EPB41L3: variants seen among roughly 807,000 people sequenced by gnomAD.
The protein encoded by EPB41L3 is band 4.1-like protein 3.
In EPB41L3, 57 loss-of-function variants were observed where a neutral mutation model predicts 127.1. That is an observed-to-expected ratio of 0.45 (90% CI 0.36 to 0.56). The LOEUF (loss-of-function observed/expected upper bound fraction) is 0.56, where lower values mean the gene tolerates loss of function less well. Among genes scored for constraint, EPB41L3 ranks in the 20% least tolerant of loss-of-function variants. EPB41L3 has a pLI of 0.00. For synonymous variants in EPB41L3, 572 were observed against 549.5 expected, an observed-to-expected ratio of 1.04 and a Z score of -0.57; for missense variants, 1,273 against 1,372.2, an observed-to-expected ratio of 0.93 and a Z score of 1.14.
chr18:5,594,888 T>A (rs1048380040), intron 3 of EPB41L3, among the ~76,000 whole-genome samples: 1 of 152,152 alleles, frequency 6.6e-6, no homozygotes, highest in Non-Finnish European at 1.5e-5. Flanking sequence ...ATAGGAAACA[T>A]ACGGAAAATA....
In EPB41L3 at chr18:5,485,174, G is replaced by C. The variant is rs144320281; in HGVS notation, c.183+3827C>G. ...CCATGATTAAATGTGATTCATCCTA[G>C]GGATGCAGATGGTTAAACATACAAA... is the stretch of plus-strand genomic sequence containing the variant. On this transcript the variant is annotated intron_variant, in intron 2 of 22. Transcript: ENST00000341928. Among the ~76,000 whole-genome samples the C allele has an allele frequency of 2.6e-3, 395 of 152,030 alleles. 4 individuals are homozygous for C. The highest frequency in any genetic ancestry group is 9.3e-3 in the African/African-American group (384 of 41,506).
chr18:5,395,383 A>T (rs2073207698), intron 20 of EPB41L3, among the ~76,000 whole-genome samples: 1 of 152,204 alleles, frequency 6.6e-6, no homozygotes, highest in Non-Finnish European at 1.5e-5. Flanking sequence ...TGGAGTAAGC[A>T]TTAAGCTTAG....
chr18:5,617,588 G>T (rs1031601109), intron 1 of EPB41L3, among the ~76,000 whole-genome samples: 1 of 152,180 alleles, frequency 6.6e-6, no homozygotes, highest in Non-Finnish European at 1.5e-5. Context: ...AAAGTGCTGG[G>T]ATTACAGGCG....
At chr18:5,604,005 C>CCA (rs377084786) in intron 3 of EPB41L3, among the ~76,000 whole-genome samples, 12 of 142,092 alleles carry the variant, frequency 8.4e-5, no homozygotes, top group African/African-American at 2.1e-4. Context: ...CCAGAAGTGT[C>CCA]CACACACACA....
chr18:5,410,576 G>A lies in EPB41L3; in HGVS notation c.2111C>T (p.Thr704Ile), dbSNP rs763738775. 1 of 1,613,548 alleles carries A rather than the reference G, an allele frequency of 6.2e-7. No homozygotes were observed. The highest frequency in any genetic ancestry group is 8.5e-7 in the Non-Finnish European group (1 of 1,179,584). The change falls in exon 14 of 23, where the codon ACT becomes ATT. Residue 704 changes from threonine (T) to isoleucine (I), a missense_variant. Transcript: ENST00000341928. ...AGCCAAAATACCAACCTCAGTGGCA[G>A]TGGTCTCCCCGTCGGCTGCGGTGTC... ...RTDTAADGET[T>I]ATESDQEEDA...
chr18:5,589,579 A>T (rs1229195486), intron 3 of EPB41L3, among the ~76,000 whole-genome samples: 1 of 152,218 alleles, frequency 6.6e-6, no homozygotes, highest in Non-Finnish European at 1.5e-5. Flanking sequence ...CTGTTATAAA[A>T]AGAAAATGTT....
intron 5 of EPB41L3, 138 bp from the exon 6 acceptor site, chr18:5,438,248 C>T: frequency 1.6e-6 from 1 of 642,834 alleles, no homozygotes; most frequent in Non-Finnish European, 2.6e-6. Context: ...AAACCTTGGT[C>T]ACATGAAATC....
intron 3 of EPB41L3, among the ~76,000 whole-genome samples, chr18:5,593,703 C>G (rs1719941): frequency 0.98 from 149,419 of 152,246 alleles, 73,376 homozygotes; most frequent in East Asian, 1. Flanking sequence ...GGAGACTGGG[C>G]CTTATTTCAT....
chr18:5,469,148 G>T (rs1207723133), intron 3 of EPB41L3, among the ~76,000 whole-genome samples: 1 of 152,062 alleles, frequency 6.6e-6, no homozygotes, highest in Non-Finnish European at 1.5e-5. Flanking sequence ...CACACACAGG[G>T]CTGAAACACC....
intron 3 of EPB41L3, among the ~76,000 whole-genome samples, chr18:5,593,043 C>T (rs1430105326): frequency 6.6e-6 from 1 of 152,096 alleles, no homozygotes; most frequent in Non-Finnish European, 1.5e-5. Context: ...CTTTAAAAAC[C>T]AGTGCCAGGG....
intron 3 of EPB41L3, among the ~76,000 whole-genome samples, chr18:5,447,448 CTTTTTTT>C (rs10694622): frequency 8.3e-4 from 95 of 114,102 alleles, no homozygotes; most frequent in Middle Eastern, 5.0e-3. Flanking sequence ...AGCTAGACTA[CTTTTTTT>C]TTTTTTTTTT....
chr18:5,596,417 T>G (rs2094537445), intron 3 of EPB41L3, among the ~76,000 whole-genome samples: 1 of 152,206 alleles, frequency 6.6e-6, no homozygotes, highest in Admixed American at 6.5e-5. Flanking sequence ...CTTCAGAAGC[T>G]GGGTGTGACC....
intron 5 of EPB41L3, among the ~76,000 whole-genome samples, chr18:5,442,012 C>T (rs893717343): frequency 1.3e-5 from 2 of 152,118 alleles, no homozygotes; most frequent in Non-Finnish European, 2.9e-5. Context: ...TTAGTTTATA[C>T]AGCCTTTCCT....
chr18:5,473,337 A>G (rs2086522207), intron 3 of EPB41L3, among the ~76,000 whole-genome samples: 2 of 151,510 alleles, frequency 1.3e-5, no homozygotes, highest in Non-Finnish European at 2.9e-5. Context: ...AACACCTACC[A>G]CTCTTAGAGT....
Position 5,433,968 on chromosome 18 carries a change from G to C in EPB41L3, c.759C>G (p.Phe253Leu). The C allele has an allele frequency of 6.2e-7, 1 of 1,614,160 alleles. No individual in the cohort carries two copies. Among genetic ancestry groups the C allele is most frequent in the Non-Finnish European group, 8.5e-7 (1 of 1,180,052 alleles). ...CTTTAGTGTGGTTTGGTGCAAAGCG[G>C]AACTCACTAATGTAATCGCTCCCAC... is the stretch of plus-strand genomic sequence containing the variant. ...DECGSDYISE[F>L]RFAPNHTKEL... The change falls in exon 7 of 23, where the codon TTC becomes TTG. Residue 253 changes from phenylalanine to leucine, a missense_variant. By Grantham distance (22) the Phe-to-Leu change is conservative. Coordinates refer to ENST00000341928, the MANE Select transcript of EPB41L3 (RefSeq NM_012307.5).
intron 3 of EPB41L3, among the ~76,000 whole-genome samples, chr18:5,470,068 G>A (rs778273592): frequency 3.9e-5 from 6 of 152,128 alleles, no homozygotes; most frequent in Admixed American, 3.3e-4. Context: ...GTGAGCCACC[G>A]TGTCTGGCTG....
chr18:5,407,720 T>A lies in EPB41L3; in HGVS notation c.2138A>T (p.Asp713Val), dbSNP rs1200138443. The A allele has an allele frequency of 1.2e-6, 2 of 1,614,094 alleles. No individual in the cohort carries two copies. Among genetic ancestry groups the A allele is most frequent in the South Asian group, 1.1e-5 (1 of 91,072 alleles). The stretch of plus-strand genomic sequence containing the variant: ...TTCTACCTGTGCCTTGAGCTCTGCA[T>A]CTTCCTCCTGGTCCGACTGCCAGCA... The part of the protein sequence containing the change: ...TTATESDQEE[D>V]AELKAQELEK... Residue 713 changes from aspartate to valine, a missense_variant, in exon 15 of 23, where the codon GAT becomes GTT. Asp to Val is a radical substitution (Grantham distance 152). Coordinates refer to ENST00000341928, the MANE Select transcript of EPB41L3 (RefSeq NM_012307.5).
chr18:5,406,733 C>T (rs149599920), intron 16 of EPB41L3, 44 bp downstream of exon 16: 29 of 1,536,454 alleles, frequency 1.9e-5, no homozygotes, highest in African/African-American at 5.5e-5. Context: ...AGAAGGAAGG[C>T]GGGTAAACAG....
rs150169866 is a variant in EPB41L3, at chr18:5,553,610, A to G, written c.-306+58730T>C. On this transcript the variant is annotated intron_variant, in intron 3 of 21. Coordinates refer to the EPB41L3 transcript ENST00000545076. The stretch of plus-strand genomic sequence containing the variant: ...TCTACAAGTTAAGAGTTTGAGAAAA[A>G]GGGCAAAGGCGAATGCTCTCATCCA... Among the ~76,000 whole-genome samples the G allele has an allele frequency of 2.6e-3, 389 of 152,322 alleles. 3 individuals carry two copies. The highest frequency in any genetic ancestry group is 8.9e-3 in the African/African-American group (372 of 41,572).
Sources: allele counts gnomAD v4.1 joint callset (sites outside exome capture counted in the v4.1 genomes callset), GRCh38; gene constraint gnomAD v4.1.1; transcripts MANE v1.5; gene names NCBI Gene and HGNC (gene_info 2026-07-23, HGNC 2026-07-21).